GET1: variants seen among roughly 807,000 people sequenced by gnomAD.
GET1 encodes the protein congenital heart disease 5 protein.
Under a neutral mutation model 22.6 loss-of-function variants are expected in GET1, and 20 were observed. The observed-to-expected ratio is 0.89, with a 90% CI of 0.62 to 1.29. The LOEUF (loss-of-function observed/expected upper bound fraction) is 1.29, where lower values mean the gene tolerates loss of function less well. Among genes scored for constraint, GET1 ranks in the 50% most tolerant of loss-of-function variants. GET1 has a pLI of 0.00. For synonymous variants in GET1, 92 were observed against 83.8 expected (o/e 1.10, Z -0.53); for missense variants, 209 against 219.9 (o/e 0.95, Z 0.31).
chr21:39,407,592 G>A (rs2039305268), downstream of GET1, among the ~76,000 whole-genome samples: 1 of 152,202 alleles, frequency 6.6e-6, no homozygotes, highest in South Asian at 2.1e-4. Flanking sequence ...CGTGCAGTCT[G>A]TGGAATTCCA....
At chr21:39,390,890 CT>C in intron 2 of GET1, 27 bp downstream of exon 2, 1 of 1,612,084 alleles carries the variant, frequency 6.2e-7, no homozygotes, top group Non-Finnish European at 8.5e-7. Flanking sequence ...AGCCTGGAGG[CT>C]TCATGAGAGC....
At position 39,422,959 on chromosome 21, in the gene GET1, G is replaced by A. The variant is rs371635180; in HGVS notation, c.*24-5273G>A. 1.9e-5 allele frequency: 31 copies of A among 1,609,004 alleles called. No individual in the cohort carries two copies. The African/African-American group carries it at 3.9e-4, about 20-fold the overall frequency. ...AACTTTGGAATCTTAAACTGTCTGG[G>A]CCCCTGAAATACAGACCTGTATTTT... is the stretch of plus-strand genomic sequence containing the variant. On this transcript the variant is annotated intron_variant, in intron 1 of 1. Transcript: ENST00000478273.
Position 39,393,256 on chromosome 21 carries a change from G to A in GET1, c.427G>A (p.Val143Ile). The A allele has an allele frequency of 6.2e-7, 1 of 1,614,144 alleles. No homozygotes were observed. Among genetic ancestry groups the A allele is most frequent in the African/African-American group, 1.3e-5 (1 of 75,042 alleles). Reference sequence around the variant, plus strand: ...ATGGATAACCCCTCTAGACCGCCTGGTAGCCTTTCCTACTAGAGTAGCAGG... The same window carrying A: ...ATGGATAACCCCTCTAGACCGCCTGATAGCCTTTCCTACTAGAGTAGCAGG... Reference protein sequence around the residue: ...SKWITPLDRLVAFPTRVAGGV... With the variant: ...SKWITPLDRLIAFPTRVAGGV... The change falls in exon 4 of 5, where the codon GTA becomes ATA. Residue 143 changes from valine (V) to isoleucine (I), a missense_variant. Val to Ile is a conservative substitution (Grantham distance 29, BLOSUM62 3). Transcript: ENST00000649170.
Position 39,405,931 on chromosome 21 carries a change from G to T in GET1, c.367G>T (p.Glu123Ter), listed in dbSNP as rs769708081. ...TTCTGTAGGTGACGATGGCTTAATA[G>T]AATTTACCACAGTTACTTTAGAGTC... is the stretch of plus-strand genomic sequence containing the variant. The change falls in exon 5 of 5, where the codon GAA (glutamate) becomes TAA (stop). Residue 123 changes from glutamate (E) to a stop codon, truncating the protein, a stop_gained. Coordinates refer to the GET1 transcript ENST00000415847. LOFTEE classifies it high-confidence loss of function. The T allele has an allele frequency of 3.1e-6, 5 of 1,611,228 alleles. No individual in the cohort carries two copies. Among genetic ancestry groups the T allele is most frequent in the Non-Finnish European group, 4.2e-6 (5 of 1,177,948 alleles).
downstream of GET1, among the ~76,000 whole-genome samples, chr21:39,400,202 C>CG: frequency 6.6e-6 from 1 of 151,886 alleles, no homozygotes; most frequent in East Asian, 1.9e-4. Flanking sequence ...GCTGACAGCC[C>CG]CCCGGAACCG....
intron 4 of GET1, among the ~76,000 whole-genome samples, chr21:39,395,863 G>T (rs1043934880): frequency 2.0e-5 from 3 of 152,196 alleles, no homozygotes; most frequent in Admixed American, 2.0e-4. Flanking sequence ...CTGGACAGGG[G>T]GATATGTATG....
Position 39,391,788 on chromosome 21 carries a change from A to C in GET1, c.288A>C (p.Gln96His). Residue 96 changes from glutamine (Q) to histidine (H), a missense_variant, in exon 3 of 5, where the codon CAA (glutamine) becomes CAC (histidine). Transcript: ENST00000649170. ...TTTCAGTGAAAGCTCGGACAGCTCA[A>C]TTAGCCAAGATAAAATGGGTGATAA... The part of the protein sequence containing the change: ...LKTHVKARTA[Q>H]LAKIKWVISV... 1 of 1,614,176 alleles carries C rather than the reference A, an allele frequency of 6.2e-7. No individual in the cohort carries two copies. Among genetic ancestry groups the C allele is most frequent in the Non-Finnish European group, 8.5e-7 (1 of 1,180,034 alleles).
intron 2 of GET1, chr21:39,391,519 A>T: frequency 2.3e-6 from 1 of 433,110 alleles, no homozygotes; most frequent in Non-Finnish European, 4.2e-6. Flanking sequence ...TGATTTCATG[A>T]GTCGTTTTAA....
At chr21:39,392,222 C>T (rs930714324) in intron 3 of GET1, among the ~76,000 whole-genome samples, 3 of 152,154 alleles carry the variant, frequency 2.0e-5, no homozygotes, top group East Asian at 1.9e-4. Context: ...ACTTCATGCA[C>T]GCTCTCCACC....
intron 1 of GET1, among the ~76,000 whole-genome samples, chr21:39,388,412 A>G (rs991527002): frequency 2.6e-5 from 4 of 152,220 alleles, no homozygotes; most frequent in Non-Finnish European, 5.9e-5. Flanking sequence ...TAACAGGGAA[A>G]GGACCCAGTT....
At chr21:39,414,400 G>C (rs1463556901) in intron 1 of GET1, 1 of 152,128 alleles carries the variant, frequency 6.6e-6, no homozygotes, top group African/African-American at 2.4e-5. Flanking sequence ...AGTGGGCCTA[G>C]AACTCGGTGT....
At chr21:39,409,801 C>T (rs2039774688), downstream of GET1, among the ~76,000 whole-genome samples, 1 of 152,130 alleles carries the variant, frequency 6.6e-6, no homozygotes, top group Admixed American at 6.5e-5. The surrounding 1 kb of genome is among the most constrained non-coding windows in gnomAD (Gnocchi z 4.2). Flanking sequence ...ACCATGTTGG[C>T]CAGGCTGGTC....
At chr21:39,422,969 TACAG>T in intron 1 of GET1, 1 of 1,612,700 alleles carries the variant, frequency 6.2e-7, no homozygotes, top group Non-Finnish European at 8.5e-7. Context: ...GCCCCTGAAA[TACAG>T]ACCTGTATTT....
At chr21:39,389,146 A>AT (rs1023428272) in intron 1 of GET1, among the ~76,000 whole-genome samples, 10 of 150,790 alleles carry the variant, frequency 6.6e-5, no homozygotes, top group Non-Finnish European at 1.2e-4. Context: ...AATTTTTCAT[A>AT]TTTTTTGTAG....
chr21:39,402,173 G>A (rs556459735), downstream of GET1, among the ~76,000 whole-genome samples: 3 of 152,018 alleles, frequency 2.0e-5, no homozygotes, highest in African/African-American at 4.8e-5. Flanking sequence ...GCATGATCTC[G>A]GCTCACAGCA....
At chr21:39,414,732 C>CTGTGTGTG (rs1464601997) in intron 1 of GET1, among the ~76,000 whole-genome samples, 16 of 110,496 alleles carry the variant, frequency 1.4e-4, no homozygotes, top group African/African-American at 4.3e-4. Flanking sequence ...CTCTCTCTCT[C>CTGTGTGTG]TCTCTCTCTC....
intron 1 of GET1, among the ~76,000 whole-genome samples, chr21:39,412,523 A>G (rs2040269036): frequency 6.6e-6 from 1 of 152,138 alleles, no homozygotes; most frequent in Non-Finnish European, 1.5e-5. Context: ...AGTAACAACC[A>G]TGGTTAAGAG....
At chr21:39,400,184 G>A (rs1210335205), downstream of GET1, among the ~76,000 whole-genome samples, 3 of 139,314 alleles carry the variant, frequency 2.2e-5, no homozygotes, top group East Asian at 2.3e-4. Context: ...GTGTGTGCAC[G>A]CGCACGTGCT....
At chr21:39,406,139 C>T (rs200757955) in exon 5 of GET1, 3 of 1,614,250 alleles carry the variant, frequency 1.9e-6, no homozygotes, top group Non-Finnish European at 2.5e-6. Context: ...GTATCCTTCA[C>T]TTTTATTCTG....
Sources: gnomAD v4.1 joint callset for allele counts (sites outside exome capture counted in the v4.1 genomes callset) on GRCh38, gnomAD v4.1.1 for gene constraint, Gnocchi (gnomAD v3.1) non-coding constraint, MANE v1.5 for transcripts, NCBI Gene and HGNC (gene_info 2026-07-23, HGNC 2026-07-21) for gene names.